The following FOXP1 variants were observed in gnomAD, a reference collection of about 807,000 sequenced individuals.
The protein encoded by FOXP1 is forkhead box protein P1.
A neutral mutation model predicts 98.2 loss-of-function variants in FOXP1; 15 were observed. The observed-to-expected ratio is 0.15, with a 90% CI of 0.10 to 0.24. The LOEUF (loss-of-function observed/expected upper bound fraction) is 0.24, where lower values mean the gene tolerates loss of function less well. FOXP1 is among the 10% of genes least tolerant of loss of function. FOXP1 has a pLI of 1.00. For missense variants in FOXP1, 633 were observed against 848.5 expected (o/e 0.75, Z 3.15); for synonymous variants, 371 against 314.5 (o/e 1.18, Z -1.90).
At chr3:71,464,616 A>C (rs1029726564) in intron 3 of FOXP1, among the ~76,000 whole-genome samples, 9 of 152,166 alleles carry the variant, frequency 5.9e-5, no homozygotes, top group African/African-American at 1.9e-4. Context: ...CACTTTCAAA[A>C]AACAGCCCTT....
chr3:71,331,216 C>T (rs983892265), intron 4 of FOXP1, among the ~76,000 whole-genome samples: 5 of 152,196 alleles, frequency 3.3e-5, no homozygotes, highest in Non-Finnish European at 5.9e-5. Flanking sequence ...TCGGCGGCCC[C>T]GCACTTGGAG....
intron 3 of FOXP1, among the ~76,000 whole-genome samples, chr3:71,386,225 A>G (rs938173796): frequency 2.0e-5 from 3 of 152,204 alleles, no homozygotes; most frequent in Non-Finnish European, 2.9e-5. Flanking sequence ...ATTGCTTTGA[A>G]ATATGACAGA....
At chr3:71,324,721 A>T (rs897023510) in intron 4 of FOXP1, among the ~76,000 whole-genome samples, 2 of 152,200 alleles carry the variant, frequency 1.3e-5, no homozygotes, top group African/African-American at 4.8e-5. Flanking sequence ...CATATGTAAC[A>T]AACCTGCATG....
chr3:71,137,656 AATCAGCCTAAGGT>A (rs2059885294), intron 6 of FOXP1, among the ~76,000 whole-genome samples: 1 of 152,146 alleles, frequency 6.6e-6, no homozygotes, highest in East Asian at 1.9e-4. Flanking sequence ...CAGCAGTGAA[AATCAGCCTAAGGT>A]ATCTGGTCTT....
intron 5 of FOXP1, among the ~76,000 whole-genome samples, chr3:71,203,809 G>C (rs769773442): frequency 1.3e-5 from 2 of 152,044 alleles, no homozygotes; most frequent in Non-Finnish European, 2.9e-5. Flanking sequence ...AAAATTATTA[G>C]AGTAATTACA....
intron 8 of FOXP1, 60 bp downstream of exon 8, chr3:71,053,576 A>C (rs1004231551): frequency 1.2e-6 from 2 of 1,606,998 alleles, no homozygotes; most frequent in African/African-American, 2.7e-5. Flanking sequence ...TTGCGAATGG[A>C]GTGATGGGGG....
intron 10 of FOXP1, among the ~76,000 whole-genome samples, chr3:71,042,966 G>C (rs1209893658): frequency 1.3e-5 from 2 of 152,160 alleles, no homozygotes; most frequent in East Asian, 1.9e-4. Context: ...GAGTGGTTAA[G>C]AACTGTGAAA....
intron 4 of FOXP1, among the ~76,000 whole-genome samples, chr3:71,310,391 A>G (rs1576907150): frequency 6.6e-6 from 1 of 152,396 alleles, no homozygotes; most frequent in East Asian, 1.9e-4. Context: ...CCAATAAAGC[A>G]TCATAAATGA....
rs116288735 is a variant in FOXP1, at chr3:71,083,738, C to T, written c.282+28798G>A. Among the ~76,000 whole-genome samples, 1,216 of 152,262 alleles carry T rather than the reference C, an allele frequency of 8.0e-3. 18 individuals are homozygous for T. Among genetic ancestry groups the T allele is most frequent in the African/African-American group, 0.027 (1,140 of 41,528 alleles). ...AATTGGAACAGACCCTTCCTGATGA[C>T]GTTACCTGAGTGCCTGGTTCCAGCT... On this transcript the variant is annotated intron_variant, in intron 7 of 20. Transcript: ENST00000649528.
intron 2 of FOXP1, among the ~76,000 whole-genome samples, chr3:71,529,182 C>A (rs2043630754): frequency 6.6e-6 from 1 of 152,222 alleles, no homozygotes; most frequent in South Asian, 2.1e-4. Flanking sequence ...AGTTTTCCTG[C>A]TGATGTGACT....
intron 6 of FOXP1, among the ~76,000 whole-genome samples, chr3:71,156,150 AG>A (rs1204614551): frequency 6.6e-6 from 1 of 152,158 alleles, no homozygotes; most frequent in Non-Finnish European, 1.5e-5. Flanking sequence ...TTCAGAGCAA[AG>A]CATCACAAGG....
chr3:71,461,894 T>A (rs778263201), intron 3 of FOXP1, among the ~76,000 whole-genome samples: 1 of 151,830 alleles, frequency 6.6e-6, no homozygotes, highest in Admixed American at 6.5e-5. Flanking sequence ...CAAGAGAAGA[T>A]TGGCAGGGCT....
chr3:71,349,227 G>A (rs557911884), intron 4 of FOXP1, among the ~76,000 whole-genome samples: 2 of 152,256 alleles, frequency 1.3e-5, no homozygotes, highest in African/African-American at 4.8e-5. Context: ...CCTAGTGAAA[G>A]ATAATGTGAT....
intron 3 of FOXP1, among the ~76,000 whole-genome samples, chr3:71,486,464 C>T (rs1367209459): frequency 6.6e-6 from 1 of 152,082 alleles, no homozygotes; most frequent in Non-Finnish European, 1.5e-5. Flanking sequence ...CCTGCTGTTT[C>T]GGGGGCCTGC....
At chr3:71,504,538 C>A (rs1446506359) in intron 2 of FOXP1, among the ~76,000 whole-genome samples, 1 of 152,120 alleles carries the variant, frequency 6.6e-6, no homozygotes, top group African/African-American at 2.4e-5. Flanking sequence ...AAAAATAAAA[C>A]CAAACTTCAG....
intron 3 of FOXP1, among the ~76,000 whole-genome samples, chr3:71,404,127 T>TA (rs2082142684): frequency 8.0e-6 from 1 of 125,144 alleles, no homozygotes; most frequent in African/African-American, 3.0e-5. Context: ...TTTCTTTTTT[T>TA]TTTTTTTTTT....
intron 7 of FOXP1, among the ~76,000 whole-genome samples, 199 bp from the exon 8 acceptor site, chr3:71,053,972 C>T (rs536730443): frequency 1.3e-5 from 2 of 152,314 alleles, no homozygotes; most frequent in Non-Finnish European, 2.9e-5. Flanking sequence ...AAAGTAAAAT[C>T]TTGCAGTACT....
chr3:71,096,484 G>C (rs923106210), intron 7 of FOXP1, among the ~76,000 whole-genome samples: 11 of 152,108 alleles, frequency 7.2e-5, no homozygotes, highest in Non-Finnish European at 1.2e-4. Context: ...GTCATTTATA[G>C]ATAAGAAACT....
At chr3:71,428,381 AAC>A (rs1354264016) in intron 3 of FOXP1, among the ~76,000 whole-genome samples, 2 of 152,270 alleles carry the variant, frequency 1.3e-5, no homozygotes, top group African/African-American at 2.4e-5. Flanking sequence ...TTCCTGCTGT[AAC>A]CAAATTAATG....
Sources: allele counts gnomAD v4.1 joint callset (sites outside exome capture counted in the v4.1 genomes callset), GRCh38; gene constraint gnomAD v4.1.1; transcripts MANE v1.5; gene names NCBI Gene and HGNC (gene_info 2026-07-23, HGNC 2026-07-21).